Variants in ULK4 observed in about 807,000 individuals in gnomAD.
ULK4 encodes the protein unc-51 like kinase 4.
Under a neutral mutation model 160.6 loss-of-function variants are expected in ULK4, and 133 were observed. The observed-to-expected ratio is 0.83, with a 90% CI of 0.72 to 0.96. The LOEUF is 0.96. Ranked by LOEUF, ULK4 falls within the 40% of genes least tolerant of loss-of-function variation. The pLI is 0.00. For synonymous variants in ULK4, 534 were observed against 539.8 expected, an observed-to-expected ratio of 0.99 and a Z score of 0.15; for missense variants, 1,580 against 1,499.5, an observed-to-expected ratio of 1.05 and a Z score of -0.89.
At chr3:41,641,063 T>A (rs962261306) in intron 30 of ULK4, among the ~76,000 whole-genome samples, 1 of 152,182 alleles carries the variant, frequency 6.6e-6, no homozygotes, top group Admixed American at 6.5e-5. Flanking sequence ...TTGAGTTTGA[T>A]TGAGTTTGAC....
intron 30 of ULK4, among the ~76,000 whole-genome samples, chr3:41,647,193 C>A (rs1412363543): frequency 1.3e-5 from 2 of 151,996 alleles, no homozygotes; most frequent in Admixed American, 6.6e-5. Flanking sequence ...TCTCTCAACT[C>A]GTCAAAGTCA....
At chr3:41,853,679 T>G (rs1367600322) in intron 17 of ULK4, among the ~76,000 whole-genome samples, 1 of 152,238 alleles carries the variant, frequency 6.6e-6, no homozygotes, top group East Asian at 1.9e-4. Context: ...ACCTCCCCTA[T>G]TCACAAGCCA....
chr3:41,867,987 TATAA>T (rs1696958092), intron 17 of ULK4, among the ~76,000 whole-genome samples: 1 of 152,230 alleles, frequency 6.6e-6, no homozygotes, highest in South Asian at 2.1e-4. Context: ...GAGAACATAT[TATAA>T]ATAATTTCAA....
Position 41,819,437 on chromosome 3 carries a change from A to G in ULK4, c.1834T>C (p.Cys612Arg). Residue 612 changes from cysteine (C) to arginine (R), a missense_variant, in exon 19 of 37, where the codon TGC (cysteine) becomes CGC (arginine). Cys to Arg is a radical substitution (Grantham distance 180, BLOSUM62 -3). Transcript: ENST00000301831. ...PLAAYTVLMR[C>R]LREGEERVVN... ...AGGAGCCTTACCCCTTCCCGAAGGC[A>G]CCTCATTAGCACTGTGTATGCAGCC... is the stretch of plus-strand genomic sequence containing the variant. 1 of 1,613,438 alleles carries G rather than the reference A, an allele frequency of 6.2e-7. No homozygotes were observed. The highest frequency in any genetic ancestry group is 8.5e-7 in the Non-Finnish European group (1 of 1,179,790).
intron 30 of ULK4, among the ~76,000 whole-genome samples, chr3:41,647,088 A>T (rs930309964): frequency 2.0e-5 from 3 of 152,190 alleles, no homozygotes; most frequent in South Asian, 2.1e-4. Context: ...CTAGTTATAC[A>T]TTCGTCTAAA....
At chr3:41,277,553 T>C (rs923916150) in intron 35 of ULK4, among the ~76,000 whole-genome samples, 1 of 150,574 alleles carries the variant, frequency 6.6e-6, no homozygotes, top group Non-Finnish European at 1.5e-5. Flanking sequence ...GCAGCATCCC[T>C]TTATGATTGA....
At chr3:41,644,870 A>C (rs1041654643) in intron 30 of ULK4, among the ~76,000 whole-genome samples, 1 of 152,158 alleles carries the variant, frequency 6.6e-6, no homozygotes, top group Non-Finnish European at 1.5e-5. Context: ...ACAATTTCAG[A>C]TACTGTTACT....
At chr3:41,925,509 T>TA (rs1164333966) in intron 5 of ULK4, among the ~76,000 whole-genome samples, 1 of 150,504 alleles carries the variant, frequency 6.6e-6, no homozygotes, top group Non-Finnish European at 1.5e-5. Context: ...GGTGCAGGAG[T>TA]TTTTTTTCAT....
At chr3:41,804,105 C>G (rs78863838) in intron 19 of ULK4, among the ~76,000 whole-genome samples, 35,321 of 150,376 alleles carry the variant, frequency 0.23, 5,657 homozygotes, top group African/African-American at 0.46. Flanking sequence ...CCCACCAACA[C>G]TGTAAAAGTG....
chr3:41,649,735 C>A (rs1424783776), intron 30 of ULK4, among the ~76,000 whole-genome samples: 1 of 152,194 alleles, frequency 6.6e-6, no homozygotes, highest in Non-Finnish European at 1.5e-5. Flanking sequence ...AACAGCCTGG[C>A]CCACCATGGA....
At chr3:41,454,606 A>C (rs902170098) in intron 34 of ULK4, among the ~76,000 whole-genome samples, 8 of 152,090 alleles carry the variant, frequency 5.3e-5, no homozygotes, top group Non-Finnish European at 1.0e-4. Context: ...CAAAAATATA[A>C]AGTTAAAATT....
intron 19 of ULK4, among the ~76,000 whole-genome samples, chr3:41,818,204 A>G: frequency 6.6e-6 from 1 of 152,040 alleles, no homozygotes; most frequent in South Asian, 2.1e-4. Context: ...AAAGAAAACC[A>G]GTATATCAAA....
At chr3:41,390,838 A>G (rs971181251) in intron 35 of ULK4, among the ~76,000 whole-genome samples, 2 of 152,108 alleles carry the variant, frequency 1.3e-5, no homozygotes, top group East Asian at 1.9e-4. Flanking sequence ...AAGAATGTAT[A>G]TTCTGTTGAT....
rs143827231 is a variant in ULK4 at position 41,248,567 on chromosome 3, A to G, written c.3764+922T>C. Among the ~76,000 whole-genome samples the G allele has an allele frequency of 2.5e-3, 376 of 152,368 alleles. 3 individuals are homozygous for G. The highest frequency in any genetic ancestry group is 0.024 in the Middle Eastern group (7 of 294). The stretch of plus-strand genomic sequence containing the variant: ...CTGATTGGAATTGAGCCTTCTCTGC[A>G]AACTCACCTTCTTAGCAATGCTTCA... On this transcript the variant is annotated intron_variant, in intron 36 of 36. Coordinates refer to ENST00000301831, the MANE Select transcript of ULK4 (RefSeq NM_017886.4).
intron 19 of ULK4, among the ~76,000 whole-genome samples, chr3:41,805,519 T>G (rs1211102225): frequency 6.6e-6 from 1 of 151,958 alleles, no homozygotes; most frequent in African/African-American, 2.4e-5. Flanking sequence ...TCCAACACTA[T>G]GTTGAATAGG....
intron 29 of ULK4, among the ~76,000 whole-genome samples, chr3:41,673,117 T>A (rs548541423): frequency 2.0e-5 from 3 of 152,190 alleles, no homozygotes; most frequent in African/African-American, 7.2e-5. Context: ...TGGGATTACA[T>A]GTGTGAGCCA....
At chr3:41,691,399 T>C (rs2036292798) in intron 27 of ULK4, among the ~76,000 whole-genome samples, 2 of 151,868 alleles carry the variant, frequency 1.3e-5, no homozygotes, top group South Asian at 4.1e-4. Flanking sequence ...CTTCCAACTG[T>C]ACTTTACTTC....
intron 29 of ULK4, among the ~76,000 whole-genome samples, chr3:41,668,147 GTCAGAGACTCAAAT>G: frequency 6.6e-6 from 1 of 152,298 alleles, no homozygotes; most frequent in African/African-American, 2.4e-5. Context: ...CAGGGATTAA[GTCAGAGACTCAAAT>G]TTTCATCTCA....
At chr3:41,609,973 C>T (rs116697218) in intron 31 of ULK4, among the ~76,000 whole-genome samples, 7,386 of 137,558 alleles carry the variant, frequency 0.054, 423 homozygotes, top group African/African-American at 0.14. Flanking sequence ...GACCTCATCT[C>T]AAAAAGAAAA....
Sources: allele counts gnomAD v4.1 joint callset (sites outside exome capture counted in the v4.1 genomes callset), GRCh38; gene constraint gnomAD v4.1.1; transcripts MANE v1.5; gene names NCBI Gene and HGNC (gene_info 2026-07-23, HGNC 2026-07-21).